Variants in RBMS3 observed in about 807,000 individuals in gnomAD.
The protein encoded by RBMS3 is RNA-binding motif, single-stranded-interacting protein 3.
Under a neutral mutation model 66.8 loss-of-function variants are expected in RBMS3, and 27 were observed. The ratio of observed to expected loss-of-function variants is 0.40; its 90% CI spans 0.30 to 0.56. The LOEUF (loss-of-function observed/expected upper bound fraction) is 0.56, where lower values mean the gene tolerates loss of function less well. Among genes scored for constraint, RBMS3 ranks in the 20% least tolerant of loss-of-function variants. The pLI, the probability that RBMS3 is intolerant of heterozygous loss-of-function variation, is 0.40. For synonymous variants in RBMS3, 188 were observed against 183.0 expected, an observed-to-expected ratio of 1.03 and a Z score of -0.22; for missense variants, 513 against 549.5, an observed-to-expected ratio of 0.93 and a Z score of 0.66.
chr3:29,614,307 T>C (rs968199639), intron 4 of RBMS3: 5 of 152,030 alleles, frequency 3.3e-5, no homozygotes, highest in South Asian at 4.1e-4. Flanking sequence ...CGCAAAAGGC[T>C]GAAGGAGGGT....
At chr3:29,620,315 G>T (rs1402746723) in intron 4 of RBMS3, among the ~76,000 whole-genome samples, 2 of 151,968 alleles carry the variant, frequency 1.3e-5, no homozygotes, top group Non-Finnish European at 2.9e-5. Flanking sequence ...TACATTCCAG[G>T]TTGCATATTC....
intron 4 of RBMS3, among the ~76,000 whole-genome samples, chr3:29,650,820 T>C (rs1215218004): frequency 6.6e-6 from 1 of 152,216 alleles, no homozygotes; most frequent in African/African-American, 2.4e-5. Context: ...TGCATTCTTA[T>C]GAGACTAATG....
At chr3:29,994,457 AGGCTC>A (rs1699086345) in intron 14 of RBMS3, among the ~76,000 whole-genome samples, 1 of 152,230 alleles carries the variant, frequency 6.6e-6, no homozygotes, top group Admixed American at 6.5e-5. Context: ...CTGCCTCTGT[AGGCTC>A]CACCTCTGGG....
chr3:29,670,165 A>G (rs1254209613), intron 4 of RBMS3, among the ~76,000 whole-genome samples: 1 of 152,174 alleles, frequency 6.6e-6, no homozygotes, highest in East Asian at 1.9e-4. Context: ...ACGGACCCTT[A>G]TTATGGGTTA....
intron 1 of RBMS3, among the ~76,000 whole-genome samples, chr3:29,385,081 T>C (rs1043869639): frequency 7.2e-5 from 11 of 152,152 alleles, no homozygotes; most frequent in Non-Finnish European, 1.2e-4. Context: ...GACTAAACAG[T>C]AGATACTCTT....
At chr3:29,599,697 G>T (rs2048079816) in intron 4 of RBMS3, among the ~76,000 whole-genome samples, 1 of 152,040 alleles carries the variant, frequency 6.6e-6, no homozygotes, top group Non-Finnish European at 1.5e-5. Flanking sequence ...AGGGAGGCTT[G>T]GTTAACTAAA....
At chr3:29,303,946 C>G (rs756331488) in intron 1 of RBMS3, among the ~76,000 whole-genome samples, 7 of 151,938 alleles carry the variant, frequency 4.6e-5, no homozygotes, top group Non-Finnish European at 8.8e-5. Flanking sequence ...GCGGAAACCC[C>G]TGTTAAAACC....
intron 1 of RBMS3, among the ~76,000 whole-genome samples, chr3:29,394,072 C>T (rs746333344): frequency 6.6e-6 from 1 of 152,112 alleles, no homozygotes; most frequent in Non-Finnish European, 1.5e-5. Context: ...ATTTCCTAAT[C>T]CTAGCAAGCC....
intron 2 of RBMS3, among the ~76,000 whole-genome samples, chr3:29,476,890 T>C (rs1430458619): frequency 6.6e-6 from 1 of 152,124 alleles, no homozygotes; most frequent in Non-Finnish European, 1.5e-5. Context: ...GCAATTTGAG[T>C]GTTACGAAGC....
chr3:29,627,232 C>T (rs932323725), intron 4 of RBMS3, among the ~76,000 whole-genome samples: 2 of 152,086 alleles, frequency 1.3e-5, no homozygotes, highest in African/African-American at 4.8e-5. Context: ...ATGAACATCT[C>T]ACCTAGTATA....
intron 6 of RBMS3, among the ~76,000 whole-genome samples, chr3:29,799,142 G>A (rs1320659608): frequency 6.6e-6 from 1 of 152,110 alleles, no homozygotes; most frequent in Non-Finnish European, 1.5e-5. Flanking sequence ...CATAAATGGA[G>A]TTGACCTAAT....
intron 4 of RBMS3, among the ~76,000 whole-genome samples, chr3:29,719,952 A>G (rs2053572458): frequency 6.6e-6 from 1 of 150,584 alleles, no homozygotes; most frequent in African/African-American, 2.4e-5. Flanking sequence ...TTTTAGGCAA[A>G]TCAGATTTTG....
intron 6 of RBMS3, among the ~76,000 whole-genome samples, chr3:29,821,879 T>C (rs181068429): frequency 6.6e-5 from 10 of 152,236 alleles, no homozygotes; most frequent in Non-Finnish European, 1.2e-4. Flanking sequence ...GGAAAGTGTA[T>C]CCATTTTTTC....
chr3:29,586,170 A>G (rs1043729640), intron 3 of RBMS3, among the ~76,000 whole-genome samples: 10 of 152,094 alleles, frequency 6.6e-5, no homozygotes, highest in Non-Finnish European at 1.5e-4. Context: ...TGAGCTTGTT[A>G]AGCATGCCAA....
intron 12 of RBMS3, among the ~76,000 whole-genome samples, chr3:29,982,548 C>T (rs1459410154): frequency 6.6e-6 from 1 of 152,116 alleles, no homozygotes. Context: ...CTCCAGTGGG[C>T]ATTTAGTGCT....
In RBMS3 at chr3:29,964,756, G is replaced by A. The variant is rs574689187; in HGVS notation, c.1098+20502G>A. Among the ~76,000 whole-genome samples, 5 of 152,098 alleles carry A rather than the reference G, an allele frequency of 3.3e-5. No individual in the cohort carries two copies. In the East Asian group the frequency reaches 9.7e-4, roughly 29 times the overall value. ...TTTTCCATAAGTTATTGGAGTACAG[G>A]TGGTATTTGGTTACATGAGTAAGTT... On this transcript the variant is annotated intron_variant, in intron 12 of 14. Transcript: ENST00000383767.
chr3:29,903,384 C>A (rs553571307), intron 10 of RBMS3: 21 of 151,918 alleles, frequency 1.4e-4, no homozygotes, highest in Admixed American at 1.4e-3. Context: ...AGTAAAAATG[C>A]TGACTTTGTC....
intron 1 of RBMS3, among the ~76,000 whole-genome samples, chr3:29,433,880 CA>C (rs2041301205): frequency 6.6e-6 from 1 of 152,050 alleles, no homozygotes; most frequent in Non-Finnish European, 1.5e-5. Flanking sequence ...GCGGTTCTCC[CA>C]GGGGGAGATT....
intron 6 of RBMS3, among the ~76,000 whole-genome samples, chr3:29,788,220 A>G (rs1214392132): frequency 6.0e-5 from 6 of 100,068 alleles, no homozygotes; most frequent in Admixed American, 1.0e-4. Context: ...TTTTTTTTGG[A>G]AAAAAATGGT....
Sources: gnomAD v4.1 joint callset for allele counts (sites outside exome capture counted in the v4.1 genomes callset) on GRCh38, gnomAD v4.1.1 for gene constraint, MANE v1.5 for transcripts, NCBI Gene and HGNC (gene_info 2026-07-23, HGNC 2026-07-21) for gene names.